The following MAP3K1 variants were observed in gnomAD, a reference collection of about 807,000 sequenced individuals.
MAP3K1 encodes the protein mitogen-activated protein kinase kinase kinase 1.
Under a neutral mutation model 144.2 loss-of-function variants are expected in MAP3K1, and 36 were observed. That is an observed-to-expected ratio of 0.25 (90% CI 0.19 to 0.33). The LOEUF (loss-of-function observed/expected upper bound fraction) is 0.33, where lower values mean the gene tolerates loss of function less well. Among genes scored for constraint, MAP3K1 ranks in the 10% least tolerant of loss-of-function variants. MAP3K1 has a pLI of 1.00. For missense variants in MAP3K1, 1,650 were observed against 1,881.9 expected (o/e 0.88, Z 2.28); for synonymous variants, 718 against 688.7 (o/e 1.04, Z -0.67).
At chr5:56,825,457 C>CAGA (rs1746284399) in intron 1 of MAP3K1, among the ~76,000 whole-genome samples, 1 of 152,156 alleles carries the variant, frequency 6.6e-6, no homozygotes, top group Non-Finnish European at 1.5e-5. Flanking sequence ...CCTAAGACAT[C>CAGA]TTGGCTTTTG....
chr5:56,821,345 A>G (rs149699387), intron 1 of MAP3K1, among the ~76,000 whole-genome samples: 1 of 152,222 alleles, frequency 6.6e-6, no homozygotes, highest in Non-Finnish European at 1.5e-5. Flanking sequence ...CTGCAAGTAC[A>G]CATCTGTCAC....
At position 56,895,831 on chromosome 5, in the gene MAP3K1, A is replaced by G. The variant is rs934262469; in HGVS notation, c.*2151A>G. 3.0e-5 allele frequency: 7 copies of G among 231,606 alleles called. No individual in the cohort carries two copies. The South Asian group carries it at 7.2e-4, about 24-fold the overall frequency. 14.3% of individuals were successfully genotyped at this position (231,606 alleles called of 1,614,324 possible). A position where few individuals can be genotyped will look rare whatever the true frequency, so the allele number is the denominator to read the frequency against. On this transcript the variant is annotated 3_prime_UTR_variant, in exon 20 of 20. Transcript: ENST00000399503. ...TCTACTACTGTTTATTCCAGTTTCT[A>G]CTACCTCAGGTGTCCTATAGATTTT...
chr5:56,865,060 A>G, intron 4 of MAP3K1, 126 bp downstream of exon 4: 1 of 947,808 alleles, frequency 1.1e-6, no homozygotes. Context: ...TAAACTTAAA[A>G]TGTATTTTAG....
intron 1 of MAP3K1, among the ~76,000 whole-genome samples, chr5:56,822,003 T>G (rs996648119): frequency 5.9e-5 from 9 of 152,018 alleles, no homozygotes; most frequent in African/African-American, 2.2e-4. Flanking sequence ...TTTTAGGAGT[T>G]TTTGTATATC....
chr5:56,884,926 T>A, intron 16 of MAP3K1, 100 bp downstream of exon 16: 1 of 1,150,210 alleles, frequency 8.7e-7, no homozygotes, highest in Non-Finnish European at 1.2e-6. Flanking sequence ...TATCAAATAG[T>A]TTGGGTTTCT....
rs35660479 is a variant in MAP3K1 at position 56,861,921 on chromosome 5, AG to A, written c.834+2008del. ...TTTTTTTTAAGATCTGGAGTTATTA[AG>A]GTACATAAATTCGTTAAAAAGTACA... On this transcript the variant is annotated intron_variant, in intron 3 of 19. Coordinates refer to ENST00000399503, the MANE Select transcript of MAP3K1 (RefSeq NM_005921.2). Among the ~76,000 whole-genome samples, 1,445 of 152,306 alleles carry A rather than the reference AG, an allele frequency of 9.5e-3. 32 individuals carry two copies. Among genetic ancestry groups the A allele is most frequent in the African/African-American group, 0.033 (1,388 of 41,554 alleles).
chr5:56,845,383 G>A (rs552529591), intron 1 of MAP3K1, among the ~76,000 whole-genome samples: 1 of 152,248 alleles, frequency 6.6e-6, no homozygotes, highest in Admixed American at 6.5e-5. Flanking sequence ...ACACCCAAAT[G>A]GTGAAGGAAC....
chr5:56,855,050 T>A (rs1222660196), intron 1 of MAP3K1, among the ~76,000 whole-genome samples: 4 of 152,122 alleles, frequency 2.6e-5, no homozygotes, highest in African/African-American at 4.8e-5. Flanking sequence ...AGGATGGACT[T>A]TTTTGGAAGA....
At position 56,896,139 on chromosome 5, in the gene MAP3K1, A is replaced by T. The variant is rs1748696154; in HGVS notation, c.*2459A>T. 4.5e-6 allele frequency: 1 copy of T among 222,274 alleles called. No homozygotes were observed. The highest frequency in any genetic ancestry group is 6.7e-5 in the East Asian group (1 of 14,974). The allele number at this position is 222,274 out of a possible 1,614,324, so 13.8% of individuals were successfully genotyped here. On this transcript the variant is annotated 3_prime_UTR_variant, in exon 20 of 20. Coordinates refer to ENST00000399503, the MANE Select transcript of MAP3K1 (RefSeq NM_005921.2). Reference sequence around the variant, plus strand: ...TGTTTTTGTCTTTATAGTAAATAAAAGTTTTTGAACAAATGTTGTTACTTT... The same window carrying T: ...TGTTTTTGTCTTTATAGTAAATAAATGTTTTTGAACAAATGTTGTTACTTT...
intron 1 of MAP3K1, among the ~76,000 whole-genome samples, chr5:56,841,214 A>AAC (rs1214608144): frequency 6.6e-6 from 1 of 151,926 alleles, no homozygotes; most frequent in Non-Finnish European, 1.5e-5. Context: ...AAAAAAAAAA[A>AAC]AACTAGACAG....
At chr5:56,849,675 A>G (rs1011136113) in intron 1 of MAP3K1, among the ~76,000 whole-genome samples, 1 of 152,242 alleles carries the variant, frequency 6.6e-6, no homozygotes. Context: ...GAATAGGCCA[A>G]CAGTTGGCAA....
At position 56,876,223 on chromosome 5, in the gene MAP3K1, C is replaced by T. The variant is rs562539275; in HGVS notation, c.1965+913C>T. On this transcript the variant is annotated intron_variant, in intron 10 of 19. Transcript: ENST00000399503. ...TGTCATGTGTGTACTGTGGCAGCATCTCTGGCCTCTACCCATTAGATACCA... is the reference window on the plus strand; with the variant it reads ...TGTCATGTGTGTACTGTGGCAGCATTTCTGGCCTCTACCCATTAGATACCA... 1.1e-4 allele frequency among the ~76,000 whole-genome samples: 16 copies of T among 152,222 alleles called. No homozygotes were observed. The East Asian group carries it at 3.1e-3, about 29-fold the overall frequency.
chr5:56,829,022 A>T lies in MAP3K1; in HGVS notation c.482+12967A>T, dbSNP rs1746402985. 3.3e-5 allele frequency among the ~76,000 whole-genome samples: 5 copies of T among 152,294 alleles called. No individual in the cohort carries two copies. The South Asian group carries it at 1.0e-3, about 32-fold the overall frequency. ...GACAGCTACTAGAAAATGCAACTGC[A>T]TTTCACTATTCTATTATTTTGGGCT... On this transcript the variant is annotated intron_variant, in intron 1 of 19. Transcript: ENST00000399503.
chr5:56,856,883 G>A, intron 2 of MAP3K1, 133 bp downstream of exon 2: 1 of 961,402 alleles, frequency 1.0e-6, no homozygotes, highest in Admixed American at 2.4e-5. Flanking sequence ...TGATATTGTG[G>A]TCATTTGGAA....
At chr5:56,887,995 C>A in intron 18 of MAP3K1, 1 of 563,454 alleles carries the variant, frequency 1.8e-6, no homozygotes, top group African/African-American at 1.9e-5. Context: ...TTGCTAAGAG[C>A]AAAATTCTGT....
At position 56,883,689 on chromosome 5, in the gene MAP3K1, T is replaced by C; in HGVS notation, c.3819+10T>C. 6.2e-7 allele frequency: 1 copy of C among 1,613,472 alleles called. No homozygotes were observed. Reference sequence around the variant, plus strand: ...AATGGCTGTTAAACAGGTAAATATCTAGTGAGCATATAAATGAAATGACTC... The same window carrying C: ...AATGGCTGTTAAACAGGTAAATATCCAGTGAGCATATAAATGAAATGACTC... On this transcript the variant is annotated intron_variant, in intron 15 of 19. Coordinates refer to ENST00000399503, the MANE Select transcript of MAP3K1 (RefSeq NM_005921.2).
At chr5:56,879,337 T>C (rs1748134724) in intron 11 of MAP3K1, among the ~76,000 whole-genome samples, 1 of 152,200 alleles carries the variant, frequency 6.6e-6, no homozygotes, top group South Asian at 2.1e-4. Flanking sequence ...ATTATTGTAT[T>C]GTGATTTACT....
At chr5:56,873,056 T>C in intron 9 of MAP3K1, 51 bp downstream of exon 9, 2 of 1,510,140 alleles carry the variant, frequency 1.3e-6, no homozygotes, top group Non-Finnish European at 1.8e-6. Context: ...ATAGATCAAT[T>C]AATGTATTTG....
chr5:56,817,532 C>T (rs928454661), intron 1 of MAP3K1, among the ~76,000 whole-genome samples: 8 of 152,202 alleles, frequency 5.3e-5, no homozygotes, highest in African/African-American at 1.4e-4. Flanking sequence ...TACCATGGCA[C>T]TACTGAGACC....
Sources: gnomAD v4.1 joint callset for allele counts (sites outside exome capture counted in the v4.1 genomes callset) on GRCh38, gnomAD v4.1.1 for gene constraint, MANE v1.5 for transcripts, NCBI Gene and HGNC (gene_info 2026-07-23, HGNC 2026-07-21) for gene names.